The following CDC42BPB variants were observed in gnomAD, a reference collection of about 807,000 sequenced individuals.
CDC42BPB encodes the protein serine/threonine-protein kinase MRCK beta.
A neutral mutation model predicts 214.9 loss-of-function variants in CDC42BPB; 37 were observed. That is an observed-to-expected ratio of 0.17 (90% CI 0.13 to 0.23). The LOEUF (loss-of-function observed/expected upper bound fraction) is 0.23, where lower values mean the gene tolerates loss of function less well. Ranked by LOEUF, CDC42BPB falls within the 10% of genes least tolerant of loss-of-function variation. CDC42BPB has a pLI of 1.00. For missense variants in CDC42BPB, 1,694 were observed against 2,227.0 expected (o/e 0.76, Z 4.82); for synonymous variants, 931 against 884.0 (o/e 1.05, Z -0.94).
intron 6 of CDC42BPB, among the ~76,000 whole-genome samples, chr14:102,985,848 G>A (rs915532059): frequency 6.6e-6 from 1 of 152,276 alleles, no homozygotes; most frequent in Non-Finnish European, 1.5e-5. Context: ...CAGGGTGTGA[G>A]CAGAGCTGGG....
intron 14 of CDC42BPB, 53 bp downstream of exon 14, chr14:102,970,098 G>T: frequency 1.4e-6 from 2 of 1,407,224 alleles, no homozygotes; most frequent in Non-Finnish European, 2.0e-6. Context: ...GGTGGCGTCA[G>T]CAAAGATAAG....
intron 1 of CDC42BPB, 185 bp from the exon 2 acceptor site, chr14:103,012,373 CTGCAGCCACGCACTGGGTAACACTGT>C (rs894607153): frequency 5.3e-5 from 43 of 805,976 alleles, no homozygotes; most frequent in East Asian, 1.2e-4. Flanking sequence ...TCCTGAGCAA[CTGCAGCCACGCACTGGGTAACACTGT>C]TGCAGCCACG....
At chr14:102,939,098 A>G (rs1385546356) in intron 34 of CDC42BPB, among the ~76,000 whole-genome samples, 1 of 151,740 alleles carries the variant, frequency 6.6e-6, no homozygotes, top group Admixed American at 6.6e-5. Context: ...CGCCACACCC[A>G]GCTAATTTCT....
intron 9 of CDC42BPB, among the ~76,000 whole-genome samples, chr14:102,976,736 G>C (rs1386713908): frequency 6.6e-6 from 1 of 152,240 alleles, no homozygotes; most frequent in African/African-American, 2.4e-5. Context: ...AGAAGACCTG[G>C]TCAGTGTTTC....
intron 1 of CDC42BPB, among the ~76,000 whole-genome samples, chr14:103,035,146 C>G (rs1241731917): frequency 6.6e-6 from 1 of 151,980 alleles, no homozygotes; most frequent in Non-Finnish European, 1.5e-5. Context: ...CAACTTCCGC[C>G]ACCCAGGTTC....
intron 6 of CDC42BPB, 60 bp downstream of exon 6, chr14:102,986,427 C>T (rs1176313854): frequency 2.2e-5 from 25 of 1,135,208 alleles, no homozygotes; most frequent in Non-Finnish European, 2.7e-5. Flanking sequence ...TTGAAAACTT[C>T]CCTTCTGACT....
intron 1 of CDC42BPB, chr14:103,041,666 C>T (rs1237186197): frequency 1.7e-6 from 1 of 578,378 alleles, no homozygotes; most frequent in Non-Finnish European, 3.1e-6. Context: ...CGAAATCACA[C>T]CAAGGTGCGC....
intron 6 of CDC42BPB, chr14:102,986,189 C>A (rs1328425841): frequency 2.6e-5 from 8 of 310,364 alleles, no homozygotes; most frequent in Middle Eastern, 1.1e-3. Flanking sequence ...CGCCCTCGAT[C>A]TGCTACAGGG....
chr14:102,943,921 G>C lies in CDC42BPB; in HGVS notation c.4378C>G (p.Leu1460Val). 1 of 1,611,604 alleles carries C rather than the reference G, an allele frequency of 6.2e-7. No homozygotes were observed. The highest frequency in any genetic ancestry group is 1.1e-5 in the South Asian group (1 of 91,026). ...GCGACAGGAGCCGCAGGCCACATGA[G>C]CTCCTGCGCGCGTGCCCTCCGGCCT... ...PQGRRARAQE[L>V]MWPAAPVACS... The change falls in exon 30 of 37, where the codon CTC becomes GTC. Residue 1460 changes from leucine to valine, a missense_variant. By Grantham distance (32) the Leu-to-Val change is conservative. Transcript: ENST00000361246. The surrounding 1 kb of genome is among the most constrained non-coding windows in gnomAD (Gnocchi z 4.6).
chr14:102,972,415 A>G, intron 12 of CDC42BPB: 1 of 791,590 alleles, frequency 1.3e-6, no homozygotes, highest in African/African-American at 1.9e-5. Context: ...GGCCGGGCAC[A>G]GTGGCTCACA....
chr14:103,053,120 A>T lies in CDC42BPB; in HGVS notation c.175+3879T>A, dbSNP rs925997358. Among the ~76,000 whole-genome samples the T allele has an allele frequency of 4.6e-5, 7 of 150,778 alleles. No homozygotes were observed. In the South Asian group the frequency reaches 6.3e-4, roughly 14 times the overall value. On this transcript the variant is annotated intron_variant, in intron 1 of 36. Coordinates refer to ENST00000361246, the MANE Select transcript of CDC42BPB (RefSeq NM_006035.4). ...ATCCCAGCACTTTGAGAGGCCGAGG[A>T]GGGTGGATCACGAGGTCAGGACTTT...
rs34315897 is a variant in CDC42BPB, at chr14:102,938,438, A to G, written c.4828-27T>C. 5.6e-4 allele frequency: 851 copies of G among 1,514,322 alleles called. 4 individuals are homozygous for G. In the African/African-American group the frequency reaches 0.011, roughly 19 times the overall value. The allele number at this position is 1,514,322 out of a possible 1,614,324, so 93.8% of individuals were successfully genotyped here. On this transcript the variant is annotated intron_variant, in intron 34 of 36. Coordinates refer to ENST00000361246, the MANE Select transcript of CDC42BPB (RefSeq NM_006035.4). ...TGGGCAGAAATAGCAACACGTGAGC[A>G]TGCTTGGTTGACACCCGGCAGGGCC...
rs200096986 is a variant in CDC42BPB at position 102,954,627 on chromosome 14, G to A, written c.2963C>T (p.Ser988Phe). 279 of 1,613,830 alleles carry A rather than the reference G, an allele frequency of 1.7e-4. No individual in the cohort carries two copies. Among genetic ancestry groups the A allele is most frequent in the Non-Finnish European group, 6.7e-5 (79 of 1,179,894 alleles). Residue 988 changes from serine to phenylalanine, a missense_variant, in exon 22 of 37, where the codon TCT becomes TTT. Coordinates refer to ENST00000361246, the MANE Select transcript of CDC42BPB (RefSeq NM_006035.4). ...APKPEASPSM[S>F]VAASEQQEDM... ...CTCCTGCTGCTCTGATGCAGCCACA[G>A]ACATCGACGGGGACGCTTCTGGCTT...
At chr14:103,052,891 A>G (rs1359104032) in intron 1 of CDC42BPB, among the ~76,000 whole-genome samples, 1 of 152,230 alleles carries the variant, frequency 6.6e-6, no homozygotes, top group Non-Finnish European at 1.5e-5. Context: ...TGTGGGAAAA[A>G]TATTTAACAC....
chr14:103,021,640 AC>A (rs1437775262), intron 1 of CDC42BPB, among the ~76,000 whole-genome samples: 3 of 151,246 alleles, frequency 2.0e-5, no homozygotes, highest in Admixed American at 1.3e-4. Context: ...AGATCGTGCC[AC>A]TGCACTCCAG....
At chr14:102,935,810 A>G (rs1015932946) in intron 36 of CDC42BPB, among the ~76,000 whole-genome samples, 1 of 152,044 alleles carries the variant, frequency 6.6e-6, no homozygotes, top group Admixed American at 6.6e-5. Flanking sequence ...GAATGTAAAT[A>G]ACGACAACCC....
chr14:102,975,142 CAG>C (rs1273108607), intron 11 of CDC42BPB, among the ~76,000 whole-genome samples: 1 of 152,180 alleles, frequency 6.6e-6, no homozygotes, highest in Admixed American at 6.5e-5. Context: ...AAAACTGTAA[CAG>C]AGAAGCAGAA....
At chr14:102,956,931 C>T (rs1426147408) in intron 21 of CDC42BPB, among the ~76,000 whole-genome samples, 1 of 148,662 alleles carries the variant, frequency 6.7e-6, no homozygotes. Context: ...GTAATCCCAG[C>T]ACTTTGGGAG....
chr14:103,023,498 G>A (rs972443388), intron 1 of CDC42BPB, among the ~76,000 whole-genome samples: 2 of 152,032 alleles, frequency 1.3e-5, no homozygotes, highest in African/African-American at 4.8e-5. Flanking sequence ...GTAGACACGG[G>A]GTCTTGCTAT....
Sources: gnomAD v4.1 joint callset for allele counts (sites outside exome capture counted in the v4.1 genomes callset) on GRCh38, gnomAD v4.1.1 for gene constraint, Gnocchi (gnomAD v3.1) non-coding constraint, MANE v1.5 for transcripts, NCBI Gene and HGNC (gene_info 2026-07-23, HGNC 2026-07-21) for gene names.